DDR2: variants seen among roughly 807,000 people sequenced by gnomAD.
DDR2 encodes discoidin domain-containing receptor 2.
DDR2 carries 27 observed loss-of-function variants against 94.9 expected under a neutral mutation model. The observed-to-expected ratio is 0.28, with a 90% CI of 0.21 to 0.39. DDR2 has a LOEUF of 0.39. Ranked by LOEUF, DDR2 falls within the 10% of genes least tolerant of loss-of-function variation. The pLI is 1.00. For missense variants in DDR2, 783 were observed against 1,076.0 expected (o/e 0.73, Z 3.81); for synonymous variants, 382 against 377.2 (o/e 1.01, Z -0.15).
rs57362310 is a variant in DDR2, at chr1:162,666,814, T to G, written c.-28+11440T>G. On this transcript the variant is annotated intron_variant, in intron 2 of 17. Transcript: ENST00000367921. The stretch of plus-strand genomic sequence containing the variant: ...TCTCTTCCCAGCCAACTTTTCTAAT[T>G]CCCCAGAGATAACTACTTTTCTTAA... Among the ~76,000 whole-genome samples, 43 of 151,890 alleles carry G rather than the reference T, an allele frequency of 2.8e-4. 1 individual carries two copies. The East Asian group carries it at 7.9e-3, about 28-fold the overall frequency.
At chr1:162,734,464 G>C (rs1408747401) in intron 3 of DDR2, among the ~76,000 whole-genome samples, 2 of 152,236 alleles carry the variant, frequency 1.3e-5, no homozygotes, top group Admixed American at 6.5e-5. Flanking sequence ...ATGCTGTTTA[G>C]TGGGCAGACC....
chr1:162,638,863 C>G (rs1317219740), intron 1 of DDR2, among the ~76,000 whole-genome samples: 2 of 152,004 alleles, frequency 1.3e-5, no homozygotes, highest in Non-Finnish European at 2.9e-5. Context: ...CATAATAACG[C>G]TAAAATAGTA....
At chr1:162,715,574 G>A (rs6659194) in intron 2 of DDR2, among the ~76,000 whole-genome samples, 2,752 of 152,268 alleles carry the variant, frequency 0.018, 80 homozygotes, top group African/African-American at 0.063. Context: ...GGATGATATA[G>A]TGTGATGATG....
intron 2 of DDR2, among the ~76,000 whole-genome samples, chr1:162,682,261 C>T (rs988591013): frequency 6.6e-6 from 1 of 152,150 alleles, no homozygotes; most frequent in African/African-American, 2.4e-5. Flanking sequence ...AGGGACTTTC[C>T]CCCAGTCACT....
At chr1:162,697,300 C>T (rs148881269) in intron 2 of DDR2, among the ~76,000 whole-genome samples, 49 of 152,094 alleles carry the variant, frequency 3.2e-4, no homozygotes, top group African/African-American at 1.1e-3. Context: ...CTATTGGAGC[C>T]CAGGTGATCT....
At position 162,725,809 on chromosome 1, in the gene DDR2, G is replaced by T. The variant is rs566572029; in HGVS notation, c.82+6664G>T. On this transcript the variant is annotated intron_variant, in intron 3 of 17. Transcript: ENST00000367921. ...CCTGAAATTGCATCCCAAACTTAAT[G>T]TGTGAAGACAAAAGTACATTTGCAA... Among the ~76,000 whole-genome samples, 34 of 152,320 alleles carry T rather than the reference G, an allele frequency of 2.2e-4. No individual in the cohort carries two copies. In the South Asian group the frequency reaches 4.8e-3, roughly 21 times the overall value.
intron 3 of DDR2, among the ~76,000 whole-genome samples, chr1:162,733,584 T>C (rs1391092095): frequency 3.3e-5 from 5 of 152,228 alleles, no homozygotes; most frequent in Non-Finnish European, 7.3e-5. Flanking sequence ...CTCATCCTTA[T>C]ATTACTTTGT....
chr1:162,748,157 C>A (rs1314366547), intron 3 of DDR2, among the ~76,000 whole-genome samples: 2 of 152,160 alleles, frequency 1.3e-5, no homozygotes, highest in South Asian at 2.1e-4. Flanking sequence ...ACAATATTAA[C>A]CTTAAATGTA....
chr1:162,645,263 C>A (rs1447432362), intron 1 of DDR2, among the ~76,000 whole-genome samples: 1 of 152,154 alleles, frequency 6.6e-6, no homozygotes, highest in Non-Finnish European at 1.5e-5. Context: ...CTGAATAATA[C>A]ATGGACATGT....
In DDR2 at chr1:162,782,839, A is replaced by G. The variant is rs1647978849; in HGVS notation, c.*2593A>G. On this transcript the variant is annotated 3_prime_UTR_variant, in exon 18 of 18. Coordinates refer to ENST00000367921, the MANE Select transcript of DDR2 (RefSeq NM_006182.4). ...GTAATATGTTTCAGATGGCTGCCCA[A>G]TATGTATTATCATGTAATACATATC... 1 of 152,154 alleles carries G rather than the reference A, an allele frequency of 6.6e-6. No individual in the cohort carries two copies. Among genetic ancestry groups the G allele is most frequent in the African/African-American group, 2.4e-5 (1 of 41,442 alleles). 9.4% of individuals were successfully genotyped at this position (152,154 alleles called of 1,614,324 possible).
At chr1:162,763,049 C>G (rs1360470447) in intron 9 of DDR2, among the ~76,000 whole-genome samples, 1 of 152,048 alleles carries the variant, frequency 6.6e-6, no homozygotes, top group African/African-American at 2.4e-5. Context: ...GTTGGCCAGG[C>G]TGGTCTCGAA....
At chr1:162,683,816 A>G (rs1264280603) in intron 2 of DDR2, among the ~76,000 whole-genome samples, 1 of 152,122 alleles carries the variant, frequency 6.6e-6, no homozygotes, top group Non-Finnish European at 1.5e-5. Flanking sequence ...CCCCAAATCA[A>G]TATATACATT....
intron 2 of DDR2, among the ~76,000 whole-genome samples, chr1:162,666,212 CT>C (rs1374110835): frequency 1.3e-5 from 2 of 152,076 alleles, no homozygotes; most frequent in Non-Finnish European, 2.9e-5. Context: ...ATTTACTCTC[CT>C]CTCTCTCTCA....
chr1:162,730,857 C>T (rs571598067), intron 3 of DDR2, among the ~76,000 whole-genome samples: 1 of 152,316 alleles, frequency 6.6e-6, no homozygotes, highest in East Asian at 1.9e-4. Context: ...GTGAGATACA[C>T]TGCATGCTCG....
At chr1:162,746,667 C>T (rs558703584) in intron 3 of DDR2, among the ~76,000 whole-genome samples, 1 of 152,326 alleles carries the variant, frequency 6.6e-6, no homozygotes, top group East Asian at 1.9e-4. Flanking sequence ...GACAGCCTGC[C>T]TCATCAAGTG....
intron 1 of DDR2, among the ~76,000 whole-genome samples, chr1:162,653,177 T>G (rs1307417344): frequency 6.6e-6 from 1 of 152,114 alleles, no homozygotes; most frequent in East Asian, 1.9e-4. Context: ...TCAAAGCAAA[T>G]TAGCTTTGTG....
At chr1:162,703,097 A>G (rs1226489292) in intron 2 of DDR2, among the ~76,000 whole-genome samples, 4 of 152,268 alleles carry the variant, frequency 2.6e-5, no homozygotes, top group African/African-American at 9.6e-5. Flanking sequence ...AGCATAAAAT[A>G]TAACTAGGAA....
At chr1:162,767,493 A>G (rs1282330054) in intron 11 of DDR2, 134 bp downstream of exon 11, 60 of 1,340,376 alleles carry the variant, frequency 4.5e-5, no homozygotes, top group Non-Finnish European at 5.9e-5. Flanking sequence ...CAAGAAACAT[A>G]GGAATGAAGC....
At chr1:162,749,183 CA>C (rs1224807452) in intron 3 of DDR2, among the ~76,000 whole-genome samples, 2 of 152,002 alleles carry the variant, frequency 1.3e-5, no homozygotes, top group African/African-American at 2.4e-5. Context: ...GATAGAGACA[CA>C]AAAAACCCTT....
Sources: allele counts gnomAD v4.1 joint callset (sites outside exome capture counted in the v4.1 genomes callset), GRCh38; gene constraint gnomAD v4.1.1; transcripts MANE v1.5; gene names NCBI Gene and HGNC (gene_info 2026-07-23, HGNC 2026-07-21).